The following FOXP1 variants were observed in gnomAD, a reference collection of about 807,000 sequenced individuals.
FOXP1 encodes forkhead box protein P1.
Under a neutral mutation model 98.2 loss-of-function variants are expected in FOXP1, and 15 were observed. The ratio of observed to expected loss-of-function variants is 0.15; its 90% confidence interval spans 0.10 to 0.24. FOXP1 has a LOEUF of 0.24. Among genes scored for constraint, FOXP1 ranks in the 10% least tolerant of loss-of-function variants. The probability of loss-of-function intolerance (pLI) is 1.00; values close to 1 mark genes in which losing one functional copy is unlikely to be tolerated. For synonymous variants in FOXP1, 371 were observed against 314.5 expected (o/e 1.18, Z -1.90); for missense variants, 633 against 848.5 (o/e 0.75, Z 3.15).
At chr3:71,114,527 A>G (rs528285801) in intron 6 of FOXP1, among the ~76,000 whole-genome samples, 1 of 152,352 alleles carries the variant, frequency 6.6e-6, no homozygotes, top group African/African-American at 2.4e-5. Context: ...AAGGAAAGCT[A>G]AGAAACACAA....
chr3:71,251,577 T>A (rs2068193180), intron 5 of FOXP1, among the ~76,000 whole-genome samples: 1 of 152,134 alleles, frequency 6.6e-6, no homozygotes, highest in African/African-American at 2.4e-5. Flanking sequence ...CACAACACCA[T>A]GTGTGGGGTG....
chr3:71,056,774 A>G (rs533024205), intron 7 of FOXP1, among the ~76,000 whole-genome samples: 6 of 152,318 alleles, frequency 3.9e-5, no homozygotes, highest in Admixed American at 2.0e-4. Flanking sequence ...AAGCTTTAAC[A>G]AACATATTCA....
chr3:71,247,558 G>A (rs1191723204), intron 5 of FOXP1, among the ~76,000 whole-genome samples: 2 of 152,320 alleles, frequency 1.3e-5, no homozygotes, highest in South Asian at 2.1e-4. Flanking sequence ...GCCTGCGAGC[G>A]ACTTTGGTGG....
intron 7 of FOXP1, among the ~76,000 whole-genome samples, chr3:71,063,996 T>G (rs377466496): frequency 6.4e-4 from 97 of 152,268 alleles, no homozygotes; most frequent in African/African-American, 2.3e-3. Context: ...GTTCTGACAG[T>G]TGAGTTAGCT....
chr3:71,483,309 T>C (rs2090421668), intron 3 of FOXP1, among the ~76,000 whole-genome samples: 2 of 152,186 alleles, frequency 1.3e-5, no homozygotes, highest in South Asian at 4.1e-4. Context: ...GAACAGCCTG[T>C]CTCAAGATAA....
At chr3:71,234,158 GT>G (rs2066576458) in intron 5 of FOXP1, among the ~76,000 whole-genome samples, 1 of 91,284 alleles carries the variant, frequency 1.1e-5, no homozygotes, top group African/African-American at 5.3e-5. Context: ...AATATTATAA[GT>G]AAAAAAAAAA....
intron 5 of FOXP1, among the ~76,000 whole-genome samples, chr3:71,239,212 C>A (rs1313088728): frequency 1.3e-5 from 2 of 152,156 alleles, no homozygotes; most frequent in African/African-American, 2.4e-5. Context: ...TATATAAAAT[C>A]ATTTCTCCTC....
chr3:71,022,111 CTGTTT>C (rs1207487728), intron 11 of FOXP1, among the ~76,000 whole-genome samples: 3 of 152,114 alleles, frequency 2.0e-5, no homozygotes, highest in Admixed American at 1.3e-4. Context: ...AGCCTATGGT[CTGTTT>C]TAAGTTAATT....
At chr3:71,294,548 C>T (rs2073089611) in intron 5 of FOXP1, among the ~76,000 whole-genome samples, 1 of 152,134 alleles carries the variant, frequency 6.6e-6, no homozygotes, top group East Asian at 1.9e-4. Flanking sequence ...GCTATAATCT[C>T]AGCACCTAGC....
At position 71,053,666 on chromosome 3, in the gene FOXP1, G is replaced by C. The variant is rs145868163; in HGVS notation, c.390C>G (p.Leu130=). The change falls in exon 8 of 21, where the codon CTC becomes CTG. Residue 130 remains leucine (L), a synonymous_variant. Transcript: ENST00000649528. ...GAAGCATGAGGGCCTGCTGCTGCTG[G>C]AGGAGAACCTGGAGCTGCTGAGGGC... is the stretch of plus-strand genomic sequence containing the variant. ...VLSPQQLQVL[L]QQQQALMLQQ... is the part of the protein sequence containing the mutation. 1.3e-4 allele frequency: 211 copies of C among 1,613,988 alleles called. No individual in the cohort carries two copies. Among genetic ancestry groups the C allele is most frequent in the Non-Finnish European group, 1.3e-4 (157 of 1,180,020 alleles).
chr3:70,971,039 G>A, intron 18 of FOXP1: 2 of 505,964 alleles, frequency 4.0e-6, no homozygotes, highest in South Asian at 4.0e-5. Flanking sequence ...TTCTGGCTTA[G>A]GTAGTAACAG....
At chr3:71,504,400 G>T (rs2041652283) in intron 2 of FOXP1, among the ~76,000 whole-genome samples, 1 of 152,116 alleles carries the variant, frequency 6.6e-6, no homozygotes, top group Non-Finnish European at 1.5e-5. Flanking sequence ...AGCGGGAAAT[G>T]GGTTACCCAG....
intron 6 of FOXP1, among the ~76,000 whole-genome samples, chr3:71,163,516 G>C (rs954594489): frequency 1.3e-5 from 2 of 152,112 alleles, no homozygotes; most frequent in Non-Finnish European, 2.9e-5. Flanking sequence ...TAACTCTCTT[G>C]CATAGCAAAC....
At chr3:71,024,126 T>C (rs1463871719) in intron 11 of FOXP1, among the ~76,000 whole-genome samples, 2 of 152,156 alleles carry the variant, frequency 1.3e-5, no homozygotes, top group African/African-American at 4.8e-5. Context: ...CATTCCATAC[T>C]GTAGCATCGG....
chr3:71,256,442 G>A (rs150684143), intron 5 of FOXP1, among the ~76,000 whole-genome samples: 135 of 152,180 alleles, frequency 8.9e-4, no homozygotes, highest in Non-Finnish European at 1.4e-3. Flanking sequence ...GGAGTGCAGT[G>A]GTGCCATCTT....
intron 7 of FOXP1, among the ~76,000 whole-genome samples, chr3:71,067,187 A>G (rs1202327228): frequency 2.0e-5 from 3 of 152,206 alleles, no homozygotes; most frequent in African/African-American, 7.2e-5. Flanking sequence ...CCCTGTCTCC[A>G]GACAGACAGA....
At chr3:71,010,432 A>C (rs2043421509) in intron 12 of FOXP1, among the ~76,000 whole-genome samples, 1 of 152,122 alleles carries the variant, frequency 6.6e-6, no homozygotes. Flanking sequence ...TACTAGCATA[A>C]ACTGTTTGTG....
chr3:71,273,210 T>C (rs1403161725), intron 5 of FOXP1, among the ~76,000 whole-genome samples: 2 of 152,176 alleles, frequency 1.3e-5, no homozygotes, highest in Non-Finnish European at 2.9e-5. Flanking sequence ...CTGTGTGAAT[T>C]CAAGTTCAAT....
intron 5 of FOXP1, among the ~76,000 whole-genome samples, chr3:71,230,921 T>C (rs1413428856): frequency 6.6e-6 from 1 of 152,190 alleles, no homozygotes; most frequent in African/African-American, 2.4e-5. Context: ...CACATTCTGT[T>C]CCATTTGAGA....
Sources: gnomAD v4.1 joint callset for allele counts (sites outside exome capture counted in the v4.1 genomes callset) on GRCh38, gnomAD v4.1.1 for gene constraint, MANE v1.5 for transcripts, NCBI Gene and HGNC (gene_info 2026-07-23, HGNC 2026-07-21) for gene names.